WDPCP: variants seen among roughly 807,000 people sequenced by gnomAD.
The protein encoded by WDPCP is WD repeat containing planar cell polarity effector.
WDPCP carries 71 observed loss-of-function variants against 93.1 expected under a neutral mutation model. That is an observed-to-expected ratio of 0.76 (90% confidence interval 0.63 to 0.93). WDPCP has a LOEUF of 0.93. Among genes scored for constraint, WDPCP ranks in the 40% least tolerant of loss-of-function variants. The probability of loss-of-function intolerance (pLI) is 0.00; values close to 1 mark genes in which losing one functional copy is unlikely to be tolerated. For synonymous variants in WDPCP, 315 were observed against 315.0 expected, an observed-to-expected ratio of 1.00 and a Z score of 0.00; for missense variants, 844 against 887.4, an observed-to-expected ratio of 0.95 and a Z score of 0.62.
At chr2:63,500,452 G>GT (rs1553412910) in intron 1 of WDPCP, among the ~76,000 whole-genome samples, 18 of 22,310 alleles carry the variant, frequency 8.1e-4, no homozygotes, top group South Asian at 5.5e-3. Flanking sequence ...AAATGGTGTG[G>GT]GGGTGTGTGT....
chr2:63,804,704 T>C (rs955900315), intron 2 of WDPCP, among the ~76,000 whole-genome samples: 1 of 151,904 alleles, frequency 6.6e-6, no homozygotes, highest in African/African-American at 2.4e-5. Context: ...CCCTCAGGCC[T>C]ATCTCCTGAT....
chr2:63,132,258 C>T (rs896686340), intron 17 of WDPCP, among the ~76,000 whole-genome samples: 1 of 151,896 alleles, frequency 6.6e-6, no homozygotes, highest in African/African-American at 2.4e-5. Flanking sequence ...TCTTGTAGCT[C>T]TCAAGATTAT....
rs372605886 is a variant in WDPCP at position 63,184,876 on chromosome 2, T to TCCCATGCTTCTCAAAATATTC, written c.1916-10065_1916-10045dup. On this transcript the variant is annotated intron_variant, in intron 14 of 17. Transcript: ENST00000272321. Reference sequence around the variant, plus strand: ...TCGTAAGTTTAGATTCTTTATATAATCCCATGCTTCTCAAAATATTCATTC... The same window carrying TCCCATGCTTCTCAAAATATTC: ...TCGTAAGTTTAGATTCTTTATATAATCCCATGCTTCTCAAAATATTCCCCATGCTTCTCAAAATATTCATTC... Among the ~76,000 whole-genome samples the TCCCATGCTTCTCAAAATATTC allele has an allele frequency of 4.5e-4, 69 of 152,292 alleles. 3 individuals are homozygous for TCCCATGCTTCTCAAAATATTC. In the East Asian group the frequency reaches 0.012, roughly 26 times the overall value.
At chr2:63,142,833 TGTG>T (rs1671182934) in intron 17 of WDPCP, among the ~76,000 whole-genome samples, 2 of 151,680 alleles carry the variant, frequency 1.3e-5, no homozygotes, top group African/African-American at 4.8e-5. Context: ...TGTGTGTGTG[TGTG>T]TGTGTGTGTG....
intron 1 of WDPCP, among the ~76,000 whole-genome samples, chr2:63,530,465 T>A (rs551090846): frequency 6.6e-6 from 1 of 152,318 alleles, no homozygotes; most frequent in East Asian, 1.9e-4. Context: ...ATGTACGGTA[T>A]AAAAGACTTG....
intron 12 of WDPCP, among the ~76,000 whole-genome samples, chr2:63,316,368 A>C (rs1283627358): frequency 6.6e-6 from 1 of 152,136 alleles, no homozygotes; most frequent in Non-Finnish European, 1.5e-5. Flanking sequence ...GAACTAAACA[A>C]AAAAAGAAAA....
At chr2:63,731,583 G>A (rs1018020672) in intron 2 of WDPCP, among the ~76,000 whole-genome samples, 2 of 151,860 alleles carry the variant, frequency 1.3e-5, no homozygotes, top group African/African-American at 2.4e-5. Flanking sequence ...AAGATCCAGT[G>A]GTATGGCAAA....
intron 14 of WDPCP, among the ~76,000 whole-genome samples, chr2:63,212,322 TAAAGA>T (rs1330828935): frequency 2.0e-5 from 3 of 152,152 alleles, no homozygotes; most frequent in African/African-American, 7.2e-5. Flanking sequence ...TCAACATTCT[TAAAGA>T]AAAGAATTTT....
At chr2:63,759,522 G>C (rs1235255352) in intron 2 of WDPCP, among the ~76,000 whole-genome samples, 1 of 152,190 alleles carries the variant, frequency 6.6e-6, no homozygotes, top group Non-Finnish European at 1.5e-5. Context: ...ATTGTTACAG[G>C]AACTAATATA....
At chr2:63,553,693 G>A (rs1287148209) in intron 1 of WDPCP, among the ~76,000 whole-genome samples, 3 of 151,894 alleles carry the variant, frequency 2.0e-5, no homozygotes, top group Non-Finnish European at 4.4e-5. Context: ...GGGTCATAGG[G>A]ATATTCAATT....
chr2:63,220,690 G>T (rs1409275328), intron 14 of WDPCP, among the ~76,000 whole-genome samples: 1 of 152,088 alleles, frequency 6.6e-6, no homozygotes, highest in Non-Finnish European at 1.5e-5. Context: ...ATTATTATAT[G>T]CATATTTTTC....
At chr2:63,422,048 G>C (rs1047659890) in intron 9 of WDPCP, among the ~76,000 whole-genome samples, 3 of 152,148 alleles carry the variant, frequency 2.0e-5, no homozygotes, top group Non-Finnish European at 2.9e-5. Flanking sequence ...TCTTTCTACT[G>C]AAGAAACCTA....
In WDPCP at chr2:63,704,855, A is replaced by T. The variant is rs569576328; in HGVS notation, n.309-54017T>A. Among the ~76,000 whole-genome samples, 26 of 152,204 alleles carry T rather than the reference A, an allele frequency of 1.7e-4. No homozygotes were observed. The South Asian group carries it at 5.2e-3, about 30-fold the overall frequency. ...ATTTCCTCTTTTTCTATTGATTGGG[A>T]TAGTTTCAGAAGGAATGGTACCAGC... On this transcript the variant is annotated intron_variant and non_coding_transcript_variant, in intron 2 of 4. Transcript: ENST00000467687.
intron 2 of WDPCP, among the ~76,000 whole-genome samples, chr2:63,734,691 G>A (rs1297145097): frequency 6.6e-6 from 1 of 152,178 alleles, no homozygotes; most frequent in African/African-American, 2.4e-5. Context: ...CTAAACCATT[G>A]TTGAAAGCTG....
chr2:63,812,930 T>G (rs1407060684), intron 2 of WDPCP, among the ~76,000 whole-genome samples: 1 of 151,254 alleles, frequency 6.6e-6, no homozygotes, highest in African/African-American at 2.4e-5. Context: ...CAAGCTGGAG[T>G]GCAGTGGTTC....
At chr2:63,789,664 T>C (rs1039884836) in intron 2 of WDPCP, among the ~76,000 whole-genome samples, 5 of 152,182 alleles carry the variant, frequency 3.3e-5, no homozygotes, top group African/African-American at 7.2e-5. Context: ...CAAGAAACAA[T>C]ATTTTTCCTT....
chr2:63,657,224 C>A (rs1443276364), intron 2 of WDPCP, among the ~76,000 whole-genome samples: 4 of 11,630 alleles, frequency 3.4e-4, no homozygotes, highest in Non-Finnish European at 5.3e-4. Context: ...TTTTTTTTTG[C>A]GACGGAGTCT....
intron 13 of WDPCP, among the ~76,000 whole-genome samples, chr2:63,299,436 G>T (rs575610016): frequency 6.6e-6 from 1 of 152,302 alleles, no homozygotes; most frequent in East Asian, 1.9e-4. Context: ...GAAGGGATTT[G>T]TGGAGGCTCA....
At chr2:63,229,622 G>A (rs1458154709) in intron 14 of WDPCP, 3 of 151,926 alleles carry the variant, frequency 2.0e-5, no homozygotes, top group Non-Finnish European at 4.4e-5. Flanking sequence ...AAGGTGTAAG[G>A]AAGGGATCCA....
Sources: gnomAD v4.1 joint callset for allele counts (sites outside exome capture counted in the v4.1 genomes callset) on GRCh38, gnomAD v4.1.1 for gene constraint, MANE v1.5 for transcripts, NCBI Gene and HGNC (gene_info 2026-07-23, HGNC 2026-07-21) for gene names.